Variants in PLXNA1 observed in about 807,000 individuals in gnomAD.
PLXNA1 encodes plexin-A1.
Under a neutral mutation model 191.7 loss-of-function variants are expected in PLXNA1, and 77 were observed. The observed-to-expected ratio is 0.40, with a 90% confidence interval of 0.33 to 0.49. The LOEUF (loss-of-function observed/expected upper bound fraction) is 0.49, where lower values mean the gene tolerates loss of function less well. Ranked by LOEUF, PLXNA1 falls within the 20% of genes least tolerant of loss-of-function variation. The probability of loss-of-function intolerance (pLI) is 0.63; values close to 1 mark genes in which losing one functional copy is unlikely to be tolerated. For synonymous variants in PLXNA1, 1,137 were observed against 1,156.4 expected (o/e 0.98, Z 0.34); for missense variants, 2,110 against 2,660.2 (o/e 0.79, Z 4.55).
At chr3:126,983,697 GAA>G (rs1399918651) in intron 1 of PLXNA1, among the ~76,000 whole-genome samples, 3 of 151,424 alleles carry the variant, frequency 2.0e-5, no homozygotes, top group African/African-American at 7.3e-5. Flanking sequence ...AGGCTGGGGA[GAA>G]AGTTTGCGGC....
intron 23 of PLXNA1, among the ~76,000 whole-genome samples, chr3:127,025,174 T>C (rs2079171007): frequency 6.6e-6 from 1 of 152,152 alleles, no homozygotes; most frequent in Non-Finnish European, 1.5e-5. Context: ...ACCGTTATAG[T>C]GTCACACAGA....
At chr3:127,013,609 C>T (rs2079106544) in intron 10 of PLXNA1, among the ~76,000 whole-genome samples, 1 of 152,214 alleles carries the variant, frequency 6.6e-6, no homozygotes, top group African/African-American at 2.4e-5. Context: ...ACGGATCTCC[C>T]ACCTCAAGGC....
Position 127,035,623 on chromosome 3 carries a change from ACTT to A in PLXNA1, c.*1607_*1609del, listed in dbSNP as rs1452557094. ...TTTTATGTTTTTTAATTAATCAGTCACTTGTAAAAGCAAACAAGCGGTCCATCC... is the reference window on the plus strand; with the variant it reads ...TTTTATGTTTTTTAATTAATCAGTCAGTAAAAGCAAACAAGCGGTCCATCC... On this transcript the variant is annotated 3_prime_UTR_variant, in exon 32 of 32. Transcript: ENST00000393409. 9 of 152,634 alleles carry A rather than the reference ACTT, an allele frequency of 5.9e-5. No homozygotes were observed. The highest frequency in any genetic ancestry group is 2.2e-4 in the African/African-American group (9 of 41,450). The allele number at this position is 152,634 out of a possible 1,614,324, so 9.5% of individuals were successfully genotyped here.
chr3:127,002,394 C>T (rs969724064), intron 3 of PLXNA1, among the ~76,000 whole-genome samples: 3 of 152,248 alleles, frequency 2.0e-5, no homozygotes, highest in Non-Finnish European at 4.4e-5. Flanking sequence ...GCTGGCCGCC[C>T]TCAGCCCAGG....
chr3:127,019,433 G>A (rs549105355), intron 20 of PLXNA1, among the ~76,000 whole-genome samples: 2 of 152,334 alleles, frequency 1.3e-5, no homozygotes, highest in South Asian at 4.1e-4. Context: ...GTGGGAGGCA[G>A]GTGGCCTGGA....
chr3:126,992,847 GGCCCCTCCCGTCCTCTCA>G (rs2078997564), intron 3 of PLXNA1, among the ~76,000 whole-genome samples: 1 of 152,128 alleles, frequency 6.6e-6, no homozygotes, highest in Admixed American at 6.5e-5. Flanking sequence ...TCTGGTGCGA[GGCCCCTCCCGTCCTCTCA>G]GCCTGCACTC....
chr3:127,017,253 T>G (rs2079128419), intron 17 of PLXNA1, among the ~76,000 whole-genome samples, 172 bp from the exon 18 acceptor site: 1 of 152,204 alleles, frequency 6.6e-6, no homozygotes, highest in South Asian at 2.1e-4. Flanking sequence ...CACCTCTCCT[T>G]CAGGCCACAT....
intron 19 of PLXNA1, 122 bp downstream of exon 19, chr3:127,018,014 C>T (rs373996818): frequency 3.2e-5 from 43 of 1,348,274 alleles, no homozygotes; most frequent in South Asian, 5.5e-5. Context: ...AGAGGGCGCC[C>T]GGCTCCAGTG....
At chr3:127,030,548 C>A (rs1254908687) in intron 29 of PLXNA1, 136 bp downstream of exon 29, 2 of 1,066,864 alleles carry the variant, frequency 1.9e-6, no homozygotes, top group Non-Finnish European at 2.7e-6. Flanking sequence ...AGGGGCATGG[C>A]GGGCCAGTCC....
chr3:127,034,116 C>A lies in PLXNA1; in HGVS notation c.*99C>A. ...TGCGTGTGGAGTGTCCGGTGGTGCT[C>A]GGGCCGCCGCAGTGCAGCGACTGCC... On this transcript the variant is annotated 3_prime_UTR_variant, in exon 32 of 32. Transcript: ENST00000393409. 8.9e-7 allele frequency: 1 copy of A among 1,120,504 alleles called. No homozygotes were observed. Among genetic ancestry groups the A allele is most frequent in the Non-Finnish European group, 1.3e-6 (1 of 789,916 alleles). The allele number at this position is 1,120,504 out of a possible 1,614,324, so 69.4% of individuals were successfully genotyped here.
intron 3 of PLXNA1, among the ~76,000 whole-genome samples, chr3:126,992,870 G>A (rs1392006363): frequency 6.6e-6 from 1 of 152,212 alleles, no homozygotes; most frequent in South Asian, 2.1e-4. Context: ...CTCTCAGCCT[G>A]CACTCCCTCT....
chr3:126,995,256 C>T (rs2079009776), intron 3 of PLXNA1, among the ~76,000 whole-genome samples: 1 of 152,214 alleles, frequency 6.6e-6, no homozygotes, highest in Non-Finnish European at 1.5e-5. Flanking sequence ...GGCAGCCTCT[C>T]CCCCTGGGGT....
intron 8 of PLXNA1, among the ~76,000 whole-genome samples, chr3:127,006,497 C>G (rs2079069620): frequency 6.6e-6 from 1 of 152,222 alleles, no homozygotes; most frequent in African/African-American, 2.4e-5. Flanking sequence ...TGTAGGGCCC[C>G]AGGTGGCTGT....
At position 127,032,567 on chromosome 3, in the gene PLXNA1, G is replaced by A. The variant is rs369639562; in HGVS notation, c.5412G>A (p.Lys1804=). Residue 1804 remains lysine (K), a synonymous_variant, in exon 30 of 32, where the codon AAG becomes AAA. Coordinates refer to ENST00000393409, the MANE Select transcript of PLXNA1 (RefSeq NM_032242.4). ...CCTCCAACAAGCTGCTCTACGCCAAGGACATCCCCAACTACAAGAGCTGGG... is the reference window on the plus strand; with the variant it reads ...CCTCCAACAAGCTGCTCTACGCCAAAGACATCCCCAACTACAAGAGCTGGG... ...DSPSNKLLYA[K]DIPNYKSWVE... 6.2e-7 allele frequency: 1 copy of A among 1,614,000 alleles called. No individual in the cohort carries two copies. The highest frequency in any genetic ancestry group is 2.2e-5 in the East Asian group (1 of 44,888).
At chr3:127,025,156 A>G (rs1468290667) in intron 23 of PLXNA1, among the ~76,000 whole-genome samples, 2 of 152,212 alleles carry the variant, frequency 1.3e-5, no homozygotes, top group East Asian at 1.9e-4. Context: ...GTAGGATGCC[A>G]TGTATCCACC....
rs775990942 is a variant in PLXNA1, at chr3:127,032,657, C to T, written c.5445-29C>T. 15 of 1,611,460 alleles carry T rather than the reference C, an allele frequency of 9.3e-6. No homozygotes were observed. In the Admixed American group the frequency reaches 1.3e-4, roughly 14 times the overall value. The stretch of plus-strand genomic sequence containing the variant: ...GCCCGGGGGCAGCCTGGACTCTGCT[C>T]ATGTGCCCACCTGGCCACTCACCTG... On this transcript the variant is annotated intron_variant, in intron 30 of 31. Coordinates refer to ENST00000393409, the MANE Select transcript of PLXNA1 (RefSeq NM_032242.4).
chr3:126,985,009 G>A (rs1384506841), intron 1 of PLXNA1, among the ~76,000 whole-genome samples: 2 of 152,154 alleles, frequency 1.3e-5, no homozygotes, highest in Non-Finnish European at 2.9e-5. Context: ...GGAGTGCCAG[G>A]AGCAGCTGTC....
chr3:127,032,414 G>T lies in PLXNA1; in HGVS notation c.5259G>T (p.Val1753=). ...NCLPLRFWVN[V]IKNPQFVFDI... Reference sequence around the variant, plus strand: ...TGCCCCTGCGCTTCTGGGTGAACGTGATCAAGAACCCACAGTTTGTGTTCG... The same window carrying T: ...TGCCCCTGCGCTTCTGGGTGAACGTTATCAAGAACCCACAGTTTGTGTTCG... Residue 1753 remains valine (V), a synonymous_variant, in exon 30 of 32, where the codon GTG becomes GTT. Coordinates refer to ENST00000393409, the MANE Select transcript of PLXNA1 (RefSeq NM_032242.4). The T allele has an allele frequency of 6.2e-7, 1 of 1,613,882 alleles. No homozygotes were observed. Among genetic ancestry groups the T allele is most frequent in the South Asian group, 1.1e-5 (1 of 91,068 alleles).
chr3:127,021,555 G>A (rs529730549), intron 21 of PLXNA1, among the ~76,000 whole-genome samples: 2 of 152,274 alleles, frequency 1.3e-5, no homozygotes, highest in Non-Finnish European at 2.9e-5. Flanking sequence ...CTCCAACCTT[G>A]TGTCCTCATC....
Sources: gnomAD v4.1 joint callset for allele counts (sites outside exome capture counted in the v4.1 genomes callset) on GRCh38, gnomAD v4.1.1 for gene constraint, MANE v1.5 for transcripts, NCBI Gene and HGNC (gene_info 2026-07-23, HGNC 2026-07-21) for gene names.